Variants in PI4K2B observed in about 807,000 individuals in gnomAD.
PI4K2B encodes the protein phosphatidylinositol 4-kinase type 2-beta.
A neutral mutation model predicts 56.6 loss-of-function variants in PI4K2B; 46 were observed. That is an observed-to-expected ratio of 0.81 (90% CI 0.64 to 1.04). The LOEUF (loss-of-function observed/expected upper bound fraction) is 1.04. Among genes scored for constraint, PI4K2B ranks in the 50% least tolerant of loss-of-function variants. PI4K2B has a pLI of 0.00. For synonymous variants in PI4K2B, 211 were observed against 223.8 expected (o/e 0.94, Z 0.51); for missense variants, 556 against 607.7 (o/e 0.91, Z 0.89).
Position 25,234,324 on chromosome 4 carries a change from G to C in PI4K2B, c.161G>C (p.Gly54Ala). ...GSAVRLLDAA[G>A]EEGEAGDEEL... ...GCCGTGAGGCTGCTGGACGCTGCCG[G>C]GGAGGAGGGCGAGGCCGGCGACGAG... Residue 54 changes from glycine to alanine, a missense_variant, in exon 1 of 10, where the codon GGG becomes GCG. Transcript: ENST00000264864. 1 of 1,414,484 alleles carries C rather than the reference G, an allele frequency of 7.1e-7. No individual in the cohort carries two copies. The highest frequency in any genetic ancestry group is 9.2e-7 in the Non-Finnish European group (1 of 1,081,402). The allele number at this position is 1,414,484 out of a possible 1,614,324, so 87.6% of individuals were successfully genotyped here. A position where few individuals can be genotyped will look rare whatever the true frequency, so the allele number is the denominator to read the frequency against.
intron 9 of PI4K2B, 162 bp from the exon 10 acceptor site, chr4:25,276,851 AC>A: frequency 1.0e-6 from 1 of 985,078 alleles, no homozygotes; most frequent in Non-Finnish European, 1.2e-6. Flanking sequence ...GTGTAAACAT[AC>A]ATTCATATAA....
chr4:25,245,454 G>T (rs1047905310), intron 1 of PI4K2B, among the ~76,000 whole-genome samples: 3 of 152,160 alleles, frequency 2.0e-5, no homozygotes, highest in Non-Finnish European at 4.4e-5. Context: ...CAACCAAGTT[G>T]TTGGTACCTG....
chr4:25,269,166 C>A lies in PI4K2B; in HGVS notation c.1235C>A (p.Ala412Asp). 1 of 1,586,994 alleles carries A rather than the reference C, an allele frequency of 6.3e-7. No individual in the cohort carries two copies. Among genetic ancestry groups the A allele is most frequent in the Non-Finnish European group, 8.6e-7 (1 of 1,156,166 alleles). ...TAGACTGACAAAGGATTTGACAAAGCCACTTTTGAAAGTCAGATGTCTGTG... is the reference window on the plus strand; with the variant it reads ...TAGACTGACAAAGGATTTGACAAAGACACTTTTGAAAGTCAGATGTCTGTG... The part of the protein sequence containing the change: ...LFKTDKGFDK[A>D]TFESQMSVMR... The change falls in exon 9 of 10, where the codon GCC becomes GAC. Residue 412 changes from alanine (A) to aspartate (D), a missense_variant. Physicochemically the swap from Ala to Asp is moderately radical, Grantham distance 126 (BLOSUM62 -2). Coordinates refer to ENST00000264864, the MANE Select transcript of PI4K2B (RefSeq NM_018323.4).
chr4:25,262,215 C>T (rs1379206730), intron 6 of PI4K2B, among the ~76,000 whole-genome samples: 2 of 152,126 alleles, frequency 1.3e-5, no homozygotes, highest in East Asian at 1.9e-4. Flanking sequence ...GTGGCAGGCA[C>T]CTGTGGTCCC....
intron 9 of PI4K2B, among the ~76,000 whole-genome samples, chr4:25,270,723 C>T (rs1000688829): frequency 6.6e-6 from 1 of 152,178 alleles, no homozygotes; most frequent in Non-Finnish European, 1.5e-5. Context: ...GGGCTCACTG[C>T]AGGCTGGGCT....
rs530145848 is a variant in PI4K2B, at chr4:25,268,429, C to CT, written c.1079-8dup. 3.0e-5 allele frequency: 48 copies of CT among 1,595,350 alleles called. No individual in the cohort carries two copies. The highest frequency in any genetic ancestry group is 1.8e-5 in the Non-Finnish European group (21 of 1,171,608). On this transcript the variant is annotated splice_polypyrimidine_tract_variant and intron_variant, in intron 7 of 9. Transcript: ENST00000264864. ...TTTCCTACCACTGATTAGGAGAATG[C>CT]TTTTTTCTATTAGATCCATTTCACT...
chr4:25,240,081 CA>C (rs1715451540), intron 1 of PI4K2B, among the ~76,000 whole-genome samples: 2 of 152,178 alleles, frequency 1.3e-5, no homozygotes, highest in South Asian at 4.1e-4. Context: ...ATACAGGGTC[CA>C]AAGGCAAGTA....
chr4:25,267,277 T>C lies in PI4K2B; in HGVS notation c.1079-1166T>C, dbSNP rs578170720. 3.3e-5 allele frequency among the ~76,000 whole-genome samples: 5 copies of C among 152,340 alleles called. No individual in the cohort carries two copies. The South Asian group carries it at 1.0e-3, about 32-fold the overall frequency. ...ATGAAAAATAAGGGCCTTTCTTCTATGAAATTATTCAGGGAAAACTAAAAA... is the reference window on the plus strand; with the variant it reads ...ATGAAAAATAAGGGCCTTTCTTCTACGAAATTATTCAGGGAAAACTAAAAA... On this transcript the variant is annotated intron_variant, in intron 7 of 9. Transcript: ENST00000264864.
At chr4:25,241,127 A>G (rs1426319501) in intron 1 of PI4K2B, among the ~76,000 whole-genome samples, 2 of 151,730 alleles carry the variant, frequency 1.3e-5, no homozygotes, top group Non-Finnish European at 2.9e-5. Context: ...GAGGTTAGGA[A>G]CTCCCTTTCT....
chr4:25,262,218 G>C (rs1178680279), intron 6 of PI4K2B, among the ~76,000 whole-genome samples: 1 of 152,222 alleles, frequency 6.6e-6, no homozygotes, highest in African/African-American at 2.4e-5. Context: ...GCAGGCACCT[G>C]TGGTCCCAGC....
Position 25,268,457 on chromosome 4 carries a change from G to T in PI4K2B, c.1093G>T (p.Ala365Ser). The T allele has an allele frequency of 1.2e-6, 2 of 1,605,882 alleles. No homozygotes were observed. Among genetic ancestry groups the T allele is most frequent in the Non-Finnish European group, 1.7e-6 (2 of 1,176,412 alleles). The change falls in exon 8 of 10, where the codon GCT (alanine) becomes TCT (serine). Residue 365 changes from alanine (A) to serine (S), a missense_variant. Ala to Ser is a moderately conservative substitution (Grantham distance 99). Coordinates refer to ENST00000264864, the MANE Select transcript of PI4K2B (RefSeq NM_018323.4). ...DEWRAYPFHW[A>S]WLPQAKVPFS... ...TTTTCTATTAGATCCATTTCACTGG[G>T]CTTGGCTTCCTCAAGCAAAAGTTCC...
chr4:25,274,193 G>A (rs189280353), intron 9 of PI4K2B, among the ~76,000 whole-genome samples: 3 of 152,280 alleles, frequency 2.0e-5, no homozygotes, highest in Admixed American at 2.0e-4. Context: ...GTGGTTTGAT[G>A]TATATAGTGC....
At chr4:25,276,942 G>C in intron 9 of PI4K2B, 72 bp from the exon 10 acceptor site, 1 of 1,460,070 alleles carries the variant, frequency 6.8e-7, no homozygotes, top group East Asian at 2.3e-5. Context: ...ATGAATAAAT[G>C]GTTTAAAAAA....
intron 1 of PI4K2B, among the ~76,000 whole-genome samples, chr4:25,237,539 T>G (rs1359651671): frequency 1.3e-5 from 2 of 152,196 alleles, no homozygotes; most frequent in Non-Finnish European, 2.9e-5. Context: ...GCTAATTTTG[T>G]ATTTTTAGTA....
At position 25,239,946 on chromosome 4, in the gene PI4K2B, C is replaced by T. The variant is rs553939137; in HGVS notation, c.268+5515C>T. On this transcript the variant is annotated intron_variant, in intron 1 of 9. Transcript: ENST00000264864. ...CTCTCTAGGCCAGTAAAAGTGCCAG[C>T]AGGTTGGTCCAGGGGTCCTCAGTAG... Among the ~76,000 whole-genome samples the T allele has an allele frequency of 2.6e-5, 4 of 152,306 alleles. 1 individual carries two copies. The highest frequency in any genetic ancestry group is 9.6e-5 in the African/African-American group (4 of 41,564).
chr4:25,271,188 T>TA (rs1204273180), intron 9 of PI4K2B, among the ~76,000 whole-genome samples: 14 of 152,292 alleles, frequency 9.2e-5, no homozygotes, highest in Non-Finnish European at 1.5e-4. Context: ...GCTCGAGAAA[T>TA]AGAATGGAGC....
intron 1 of PI4K2B, among the ~76,000 whole-genome samples, chr4:25,240,603 G>C (rs2109084478): frequency 6.6e-6 from 1 of 152,310 alleles, no homozygotes; most frequent in South Asian, 2.1e-4. Context: ...AGGTGCAGGT[G>C]CCAGTCCAGT....
At position 25,277,298 on chromosome 4, in the gene PI4K2B, T is replaced by A; in HGVS notation, c.*111T>A. ...CCAGTTGCTAAAACCTCAATTTAAG[T>A]CTTTAAAAGGTTGTATTTTGAATGT... On this transcript the variant is annotated 3_prime_UTR_variant, in exon 10 of 10. Coordinates refer to ENST00000264864, the MANE Select transcript of PI4K2B (RefSeq NM_018323.4). 1 of 1,283,654 alleles carries A rather than the reference T, an allele frequency of 7.8e-7. No homozygotes were observed. The allele number at this position is 1,283,654 out of a possible 1,614,324, so 79.5% of individuals were successfully genotyped here.
intron 1 of PI4K2B, among the ~76,000 whole-genome samples, chr4:25,236,236 A>C (rs1715257213): frequency 1.4e-5 from 2 of 138,652 alleles, no homozygotes; most frequent in Admixed American, 1.4e-4. Context: ...TAAATAAATA[A>C]ATAAATAAAT....
Sources: gnomAD v4.1 joint callset for allele counts (sites outside exome capture counted in the v4.1 genomes callset) on GRCh38, gnomAD v4.1.1 for gene constraint, MANE v1.5 for transcripts, NCBI Gene and HGNC (gene_info 2026-07-23, HGNC 2026-07-21) for gene names.